The following RAB11FIP4 variants were observed in gnomAD, a reference collection of about 807,000 sequenced individuals.
The protein encoded by RAB11FIP4 is RAB11 family interacting protein 4.
In RAB11FIP4, 23 loss-of-function variants were observed where a neutral mutation model predicts 74.3. The ratio of observed to expected loss-of-function variants is 0.31; its 90% CI spans 0.22 to 0.44. The LOEUF is 0.44. RAB11FIP4 is among the 20% of genes least tolerant of loss of function. The pLI, the probability that RAB11FIP4 is intolerant of heterozygous loss-of-function variation, is 1.00. For missense variants in RAB11FIP4, 630 were observed against 863.9 expected, an observed-to-expected ratio of 0.73 and a Z score of 3.39; for synonymous variants, 360 against 359.9, an observed-to-expected ratio of 1.00 and a Z score of 0.00.
rs74518166 is a variant in RAB11FIP4, at chr17:31,498,011, C to G, written c.337-19640C>G. 5.2e-3 allele frequency among the ~76,000 whole-genome samples: 794 copies of G among 152,198 alleles called. 5 individuals are homozygous for G. Among genetic ancestry groups the G allele is most frequent in the African/African-American group, 0.018 (743 of 41,508 alleles). ...TGAGGCATTGGGGTGGGTAAAGGTG[C>G]CCAGGAGCCTGGGGTACTAGGGAAG... On this transcript the variant is annotated intron_variant, in intron 3 of 14. Transcript: ENST00000621161.
chr17:31,524,553 C>T (rs182034100), intron 9 of RAB11FIP4: 1 of 178,444 alleles, frequency 5.6e-6, no homozygotes, highest in African/African-American at 2.4e-5. Flanking sequence ...CTTTTGTACA[C>T]CCCAGAAGGT....
chr17:31,420,832 T>C (rs186569701), intron 1 of RAB11FIP4, among the ~76,000 whole-genome samples: 148 of 152,082 alleles, frequency 9.7e-4, no homozygotes, highest in Non-Finnish European at 1.8e-3. Flanking sequence ...GCCTGTAATC[T>C]CAGCACTTTG....
chr17:31,508,604 C>T (rs2072396970), intron 3 of RAB11FIP4, among the ~76,000 whole-genome samples: 1 of 152,218 alleles, frequency 6.6e-6, no homozygotes, highest in South Asian at 2.1e-4. Flanking sequence ...CCTGGGTGCA[C>T]GCGGCCCGGG....
chr17:31,444,356 C>G (rs1466546409), intron 3 of RAB11FIP4, among the ~76,000 whole-genome samples: 1 of 151,124 alleles, frequency 6.6e-6, no homozygotes, highest in African/African-American at 2.4e-5. Context: ...AACACCCCCC[C>G]CACCCTTCTA....
rs752652294 is a variant in RAB11FIP4 at position 31,512,590 on chromosome 17, G to A, written c.337-5061G>A. Reference sequence around the variant, plus strand: ...CTGTGGGCCTATGGTGGCTGGCCCTGTGTCCCAGGGTACAGGGAGCTGTGA... The same window carrying A: ...CTGTGGGCCTATGGTGGCTGGCCCTATGTCCCAGGGTACAGGGAGCTGTGA... On this transcript the variant is annotated intron_variant, in intron 3 of 14. Transcript: ENST00000621161. The surrounding 1 kb of genome is among the most constrained non-coding windows in gnomAD (Gnocchi z 4.1). Among the ~76,000 whole-genome samples the A allele has an allele frequency of 1.5e-4, 23 of 152,308 alleles. No homozygotes were observed. The highest frequency in any genetic ancestry group is 3.2e-4 in the Non-Finnish European group (22 of 68,010).
In RAB11FIP4 at chr17:31,403,328, C is replaced by CT. The variant is rs565010724; in HGVS notation, c.159+11329dup. On this transcript the variant is annotated intron_variant, in intron 1 of 14. Transcript: ENST00000621161. ...TGCCTTTGTATTTCTTTCTTTCTTT[C>CT]TTTTTTTTTTTTGAGATGGAGTCTC... is the stretch of plus-strand genomic sequence containing the variant. 6.1e-3 allele frequency among the ~76,000 whole-genome samples: 891 copies of CT among 146,796 alleles called. 14 individuals carry two copies. Among genetic ancestry groups the CT allele is most frequent in the Admixed American group, 0.04 (594 of 14,684 alleles).
chr17:31,523,055 C>T, intron 7 of RAB11FIP4: 1 of 213,864 alleles, frequency 4.7e-6, no homozygotes, highest in East Asian at 1.0e-4. Flanking sequence ...TCTGCCTTTG[C>T]CATCCCCCAG....
At position 31,536,689 on chromosome 17, in the gene RAB11FIP4, T is replaced by G. The variant is rs1389818437; in HGVS notation, c.*4957T>G. On this transcript the variant is annotated 3_prime_UTR_variant, in exon 15 of 15. Transcript: ENST00000621161. Reference sequence around the variant, plus strand: ...TCCTAGGGACCTGCCAGGTCCTCACTTCCTGCCCTGGGTGCACACATGAAT... The same window carrying G: ...TCCTAGGGACCTGCCAGGTCCTCACGTCCTGCCCTGGGTGCACACATGAAT... The G allele has an allele frequency of 6.9e-6, 2 of 291,676 alleles. No individual in the cohort carries two copies. Among genetic ancestry groups the G allele is most frequent in the Non-Finnish European group, 1.3e-5 (2 of 158,552 alleles). The allele number at this position is 291,676 out of a possible 1,614,324, so 18.1% of individuals were successfully genotyped here.
intron 3 of RAB11FIP4, among the ~76,000 whole-genome samples, chr17:31,469,706 C>A (rs958694958): frequency 6.6e-6 from 1 of 151,570 alleles, no homozygotes; most frequent in Non-Finnish European, 1.5e-5. Context: ...AAGGAAAGGC[C>A]TCTTTGAGAC....
chr17:31,435,764 T>A (rs1421187867), intron 3 of RAB11FIP4, among the ~76,000 whole-genome samples: 2 of 152,174 alleles, frequency 1.3e-5, no homozygotes, highest in Non-Finnish European at 2.9e-5. Context: ...TGCTGAGGGC[T>A]GCCAAGTCCA....
intron 3 of RAB11FIP4, among the ~76,000 whole-genome samples, chr17:31,480,818 A>G (rs2071841090): frequency 6.9e-6 from 1 of 145,188 alleles, no homozygotes; most frequent in African/African-American, 2.6e-5. Flanking sequence ...AAAAAAAAAG[A>G]AAGAAAATAG....
At chr17:31,523,262 G>A (rs941123846) in intron 7 of RAB11FIP4, 13 of 543,692 alleles carry the variant, frequency 2.4e-5, no homozygotes, top group East Asian at 9.4e-5. Context: ...TTCTGAGGCC[G>A]CAGGAGAAGC....
chr17:31,519,228 A>T (rs2072619002), intron 4 of RAB11FIP4, among the ~76,000 whole-genome samples: 1 of 151,640 alleles, frequency 6.6e-6, no homozygotes, highest in Non-Finnish European at 1.5e-5. Context: ...GTTGGCCAGG[A>T]TGGTCTTGAT....
At position 31,536,901 on chromosome 17, in the gene RAB11FIP4, C is replaced by A; in HGVS notation, c.*5169C>A. On this transcript the variant is annotated 3_prime_UTR_variant, in exon 15 of 15. Transcript: ENST00000621161. ...GTATAATGTCACCATGCTCACCAGG[C>A]GAGGTTTCCCATATGACCTCCCTGC... 1 of 398,518 alleles carries A rather than the reference C, an allele frequency of 2.5e-6. No individual in the cohort carries two copies. 24.7% of individuals were successfully genotyped at this position (398,518 alleles called of 1,614,324 possible).
At chr17:31,523,747 C>A in intron 8 of RAB11FIP4, 136 bp downstream of exon 8, 1 of 1,034,022 alleles carries the variant, frequency 9.7e-7, no homozygotes, top group South Asian at 1.3e-5. Context: ...GCCCTGGTCA[C>A]GTGTTCCCCA....
intron 1 of RAB11FIP4, among the ~76,000 whole-genome samples, chr17:31,425,272 C>G (rs1216301660): frequency 6.6e-6 from 1 of 152,240 alleles, no homozygotes; most frequent in Non-Finnish European, 1.5e-5. Flanking sequence ...GGAAGGCTCG[C>G]TAAGCATTTG....
chr17:31,474,976 C>G (rs949367405), intron 3 of RAB11FIP4, among the ~76,000 whole-genome samples: 6 of 151,978 alleles, frequency 3.9e-5, no homozygotes, highest in Admixed American at 1.3e-4. Context: ...ATTTCAACCG[C>G]TGTGGTGTTC....
At chr17:31,526,551 G>A (rs9909496) in intron 10 of RAB11FIP4, 40,715 of 152,034 alleles carry the variant, frequency 0.27, 5,696 homozygotes, top group African/African-American at 0.33. Flanking sequence ...GTGGTGGGTT[G>A]AGAACGGGAT....
intron 3 of RAB11FIP4, among the ~76,000 whole-genome samples, chr17:31,443,781 G>T (rs1407110308): frequency 6.6e-6 from 1 of 152,174 alleles, no homozygotes; most frequent in Non-Finnish European, 1.5e-5. Context: ...CTGGCATGAT[G>T]GGGCATGCCT....
Sources: allele counts gnomAD v4.1 joint callset (sites outside exome capture counted in the v4.1 genomes callset), GRCh38; gene constraint gnomAD v4.1.1; non-coding constraint Gnocchi (gnomAD v3.1); transcripts MANE v1.5; gene names NCBI Gene and HGNC (gene_info 2026-07-23, HGNC 2026-07-21).